The following RBKS variants were observed in gnomAD, a reference collection of about 807,000 sequenced individuals.
RBKS encodes ribokinase.
In RBKS, 33 loss-of-function variants were observed where a neutral mutation model predicts 33.9. That is an observed-to-expected ratio of 0.97 (90% CI 0.74 to 1.30). RBKS has a LOEUF of 1.30. Among genes scored for constraint, RBKS ranks in the 50% most tolerant of loss-of-function variants. The pLI is 0.00. For missense variants in RBKS, 361 were observed against 392.6 expected (o/e 0.92, Z 0.68); for synonymous variants, 125 against 143.0 (o/e 0.87, Z 0.90).
chr2:27,888,744 A>AT (rs1369738699), intron 1 of RBKS, among the ~76,000 whole-genome samples: 2 of 151,792 alleles, frequency 1.3e-5, no homozygotes, highest in Non-Finnish European at 2.9e-5. Flanking sequence ...ATGTTCTTGT[A>AT]AGGCTTGGGA....
chr2:27,806,643 G>A (rs1002653965), intron 7 of RBKS, among the ~76,000 whole-genome samples: 1 of 152,178 alleles, frequency 6.6e-6, no homozygotes, highest in Non-Finnish European at 1.5e-5. Flanking sequence ...AGTCCTCTGG[G>A]GAGGCCATAA....
intron 1 of RBKS, among the ~76,000 whole-genome samples, chr2:27,872,798 A>G (rs1429399229): frequency 2.0e-5 from 3 of 152,244 alleles, no homozygotes; most frequent in African/African-American, 7.2e-5. Flanking sequence ...AAGTCAGCCT[A>G]GCTTAATGAA....
At chr2:27,834,344 A>G (rs1402484256) in intron 5 of RBKS, among the ~76,000 whole-genome samples, 2 of 152,202 alleles carry the variant, frequency 1.3e-5, no homozygotes, top group African/African-American at 2.4e-5. Context: ...CAGAAATTCT[A>G]TGGTATATTT....
At chr2:27,811,223 C>T (rs923253272) in intron 7 of RBKS, among the ~76,000 whole-genome samples, 1 of 152,210 alleles carries the variant, frequency 6.6e-6, no homozygotes, top group African/African-American at 2.4e-5. Context: ...GGTGGGCCCC[C>T]TCCACTGCAT....
At position 27,797,291 on chromosome 2, in the gene RBKS, G is replaced by A. The variant is rs1436642629; in HGVS notation, c.796-15503C>T. On this transcript the variant is annotated intron_variant, in intron 7 of 7. Transcript: ENST00000302188. Reference sequence around the variant, plus strand: ...GGGCTGAGAGTGGGCTGTGGGCCACGGCCAGCTCACCAAGCTGTGTGCCTA... The same window carrying A: ...GGGCTGAGAGTGGGCTGTGGGCCACAGCCAGCTCACCAAGCTGTGTGCCTA... Among the ~76,000 whole-genome samples the A allele has an allele frequency of 5.3e-5, 8 of 152,186 alleles. 1 individual carries two copies. Among genetic ancestry groups the A allele is most frequent in the African/African-American group, 1.4e-4 (6 of 41,436 alleles).
intron 2 of RBKS, among the ~76,000 whole-genome samples, chr2:27,849,744 CCT>C (rs1032439839): frequency 2.0e-5 from 3 of 151,960 alleles, no homozygotes; most frequent in Middle Eastern, 3.2e-3. Context: ...CTGGATCTCC[CCT>C]GTTTTTGTCA....
chr2:27,811,729 T>G (rs981548106), intron 7 of RBKS, among the ~76,000 whole-genome samples: 1 of 151,908 alleles, frequency 6.6e-6, no homozygotes, highest in Non-Finnish European at 1.5e-5. Context: ...TTTCCCAGAG[T>G]CCAAAAACAA....
intron 7 of RBKS, among the ~76,000 whole-genome samples, chr2:27,817,849 A>C (rs1678128169): frequency 1.3e-5 from 2 of 152,154 alleles, no homozygotes; most frequent in Non-Finnish European, 2.9e-5. Flanking sequence ...AAATCATCAG[A>C]TCTCGTGAGA....
At chr2:27,875,471 T>C (rs1044973558) in intron 1 of RBKS, among the ~76,000 whole-genome samples, 1 of 152,214 alleles carries the variant, frequency 6.6e-6, no homozygotes, top group Non-Finnish European at 1.5e-5. Flanking sequence ...GAGGATTGAT[T>C]GAGCCTGGAA....
intron 7 of RBKS, among the ~76,000 whole-genome samples, chr2:27,786,931 A>C (rs1677416588): frequency 6.6e-6 from 1 of 152,254 alleles, no homozygotes; most frequent in Non-Finnish European, 1.5e-5. Flanking sequence ...TTATTTAGGC[A>C]GCAACGATTC....
chr2:27,843,268 C>G, intron 4 of RBKS, 37 bp from the exon 5 acceptor site: 1 of 1,477,302 alleles, frequency 6.8e-7, no homozygotes, highest in Non-Finnish European at 9.3e-7. Context: ...TAAAACTAAA[C>G]AAAGCCAAGC....
intron 7 of RBKS, among the ~76,000 whole-genome samples, 185 bp from the exon 8 acceptor site, chr2:27,781,973 C>T (rs972655138): frequency 6.6e-6 from 1 of 152,184 alleles, no homozygotes; most frequent in Non-Finnish European, 1.5e-5. Flanking sequence ...GTACATTTAT[C>T]ACCACTAAAG....
Position 27,878,221 on chromosome 2 carries a change from C to T in RBKS, c.89+12036G>A, listed in dbSNP as rs576892891. Among the ~76,000 whole-genome samples the T allele has an allele frequency of 2.1e-4, 32 of 151,830 alleles. 2 individuals are homozygous for T. Among genetic ancestry groups the T allele is most frequent in the Admixed American group, 2.6e-4 (4 of 15,226 alleles). On this transcript the variant is annotated intron_variant, in intron 1 of 7. Transcript: ENST00000302188. Reference sequence around the variant, plus strand: ...AACAGTCCCCAGAGTGTGATGTTCCCCTTCCTGTGTCCATGTGTTCTCATT... The same window carrying T: ...AACAGTCCCCAGAGTGTGATGTTCCTCTTCCTGTGTCCATGTGTTCTCATT...
rs371141172 is a variant in RBKS, at chr2:27,889,766, C to A, written c.89+491G>T. Among the ~76,000 whole-genome samples, 18 of 152,132 alleles carry A rather than the reference C, an allele frequency of 1.2e-4. No homozygotes were observed. The East Asian group carries it at 1.5e-3, about 13-fold the overall frequency. On this transcript the variant is annotated intron_variant, in intron 1 of 7. Coordinates refer to ENST00000302188, the MANE Select transcript of RBKS (RefSeq NM_022128.3). The stretch of plus-strand genomic sequence containing the variant: ...TGAAAGGTGACAGTCTTTTTGATTT[C>A]TGCTCAACTCATTATTTTATACAAT...
rs763594764 is a variant in RBKS, at chr2:27,881,051, AAACC to A, written c.89+9202_89+9205del. ...CAACATGGCAAAACCCCATCTCTGC[AAACC>A]AACCAACCAACAAACAAACAAACAA... On this transcript the variant is annotated intron_variant, in intron 1 of 7. Coordinates refer to ENST00000302188, the MANE Select transcript of RBKS (RefSeq NM_022128.3). Among the ~76,000 whole-genome samples, 488 of 151,874 alleles carry A rather than the reference AAACC, an allele frequency of 3.2e-3. 8 individuals are homozygous for A. In the East Asian group the frequency reaches 0.048, roughly 15 times the overall value.
intron 1 of RBKS, among the ~76,000 whole-genome samples, chr2:27,878,655 A>G (rs928534034): frequency 3.9e-5 from 6 of 152,158 alleles, no homozygotes; most frequent in African/African-American, 1.4e-4. Context: ...CAACAGTGTA[A>G]AAGTGTTTCT....
chr2:27,867,015 G>A lies in RBKS; in HGVS notation c.90-8444C>T, dbSNP rs549523381. On this transcript the variant is annotated intron_variant, in intron 1 of 7. Coordinates refer to ENST00000302188, the MANE Select transcript of RBKS (RefSeq NM_022128.3). ...GCTACTTGGGAGGCTGGGGCAGGAGGATTGCTTGTGCCTAGGAGGTTGAGG... is the reference window on the plus strand; with the variant it reads ...GCTACTTGGGAGGCTGGGGCAGGAGAATTGCTTGTGCCTAGGAGGTTGAGG... Among the ~76,000 whole-genome samples, 4 of 151,174 alleles carry A rather than the reference G, an allele frequency of 2.6e-5. No individual in the cohort carries two copies. In the East Asian group the frequency reaches 5.9e-4, roughly 22 times the overall value.
chr2:27,866,947 T>C (rs1437072976), intron 1 of RBKS, among the ~76,000 whole-genome samples: 2 of 152,090 alleles, frequency 1.3e-5, no homozygotes, highest in East Asian at 3.9e-4. Flanking sequence ...CTACAAATAA[T>C]TTAAAAATTA....
intron 7 of RBKS, among the ~76,000 whole-genome samples, chr2:27,820,754 G>A (rs1355389768): frequency 6.6e-6 from 1 of 151,562 alleles, no homozygotes; most frequent in Non-Finnish European, 1.5e-5. Flanking sequence ...TTAAAGATTA[G>A]TACTGTCAGC....
Sources: gnomAD v4.1 joint callset for allele counts (sites outside exome capture counted in the v4.1 genomes callset) on GRCh38, gnomAD v4.1.1 for gene constraint, MANE v1.5 for transcripts, NCBI Gene and HGNC (gene_info 2026-07-23, HGNC 2026-07-21) for gene names.